The following CAND2 variants were observed in gnomAD, a reference collection of about 807,000 sequenced individuals.
The protein encoded by CAND2 is cullin-associated NEDD8-dissociated protein 2.
A neutral mutation model predicts 98.9 loss-of-function variants in CAND2; 62 were observed. The ratio of observed to expected loss-of-function variants is 0.63; its 90% CI spans 0.51 to 0.77. The LOEUF is 0.77. Ranked by LOEUF, CAND2 falls within the 30% of genes least tolerant of loss-of-function variation. CAND2 has a pLI of 0.00. For missense variants in CAND2, 1,501 were observed against 1,655.2 expected, an observed-to-expected ratio of 0.91 and a Z score of 1.62; for synonymous variants, 770 against 731.9, an observed-to-expected ratio of 1.05 and a Z score of -0.84.
chr3:12,805,785 A>G (rs1483835789), intron 2 of CAND2, among the ~76,000 whole-genome samples: 2 of 152,252 alleles, frequency 1.3e-5, no homozygotes, highest in Admixed American at 6.5e-5. Flanking sequence ...CCTTTTGCCT[A>G]TACAAATGCC....
At chr3:12,799,245 T>C (rs1302868791) in intron 1 of CAND2, among the ~76,000 whole-genome samples, 1 of 152,106 alleles carries the variant, frequency 6.6e-6, no homozygotes, top group Non-Finnish European at 1.5e-5. Context: ...TATTGAAACC[T>C]CCCAAGGATA....
chr3:12,817,765 T>C lies in CAND2; in HGVS notation c.2833T>C (p.Cys945Arg). Residue 945 changes from cysteine (C) to arginine (R), a missense_variant, in exon 10 of 15, where the codon TGC (cysteine) becomes CGC (arginine). Physicochemically the swap from Cys to Arg is radical, Grantham distance 180. This residue lies in a region of CAND2 where 1,427 missense variants were observed against 1,545.3 expected (regional missense o/e 0.92). Transcript: ENST00000456430. ...CATCTGGGCCTTGCTGTTCCAGCGC[T>C]GCGAGGGTGCTGAGGAGGGCACCCG... ...EDIWALLFQR[C>R]EGAEEGTRGV... 2 of 1,559,794 alleles carry C rather than the reference T, an allele frequency of 1.3e-6. No homozygotes were observed. The highest frequency in any genetic ancestry group is 1.7e-6 in the Non-Finnish European group (2 of 1,154,126).
chr3:12,827,053 A>G (rs1050583483), intron 12 of CAND2, among the ~76,000 whole-genome samples: 15 of 151,708 alleles, frequency 9.9e-5, no homozygotes, highest in Admixed American at 3.3e-4. Flanking sequence ...GGATGGCCTC[A>G]ATCTCCTGAC....
At chr3:12,832,821 A>G (rs558107415) in intron 14 of CAND2, 1 of 152,294 alleles carries the variant, frequency 6.6e-6, no homozygotes, top group South Asian at 2.1e-4. Context: ...GTAGTAGAGT[A>G]TTCATGTATT....
chr3:12,808,270 C>T lies in CAND2; in HGVS notation c.428C>T (p.Ala143Val). Reference protein sequence around the residue: ...KITGQLTSAIAQQEDVAVQLE... With the variant: ...KITGQLTSAIVQQEDVAVQLE... Reference sequence around the variant, plus strand: ...ACAGGCCAGCTCACCAGTGCCATTGCCCAGCAGGAGGATGTGGCTGTGCAG... The same window carrying T: ...ACAGGCCAGCTCACCAGTGCCATTGTCCAGCAGGAGGATGTGGCTGTGCAG... The change falls in exon 4 of 15, where the codon GCC becomes GTC. Residue 143 changes from alanine (A) to valine (V), a missense_variant. Physicochemically the swap from Ala to Val is moderately conservative, Grantham distance 64 (BLOSUM62 0). This residue lies in a region of CAND2 where 1,427 missense variants were observed against 1,545.3 expected (regional missense o/e 0.92). Coordinates refer to ENST00000456430, the MANE Select transcript of CAND2 (RefSeq NM_001162499.2). 1 of 1,551,456 alleles carries T rather than the reference C, an allele frequency of 6.4e-7. No homozygotes were observed. The highest frequency in any genetic ancestry group is 1.2e-5 in the South Asian group (1 of 84,052).
chr3:12,809,444 GGGTAA>G lies in CAND2; in HGVS notation c.492-611_492-607del, dbSNP rs550038628. On this transcript the variant is annotated intron_variant, in intron 4 of 14. Transcript: ENST00000456430. Reference sequence around the variant, plus strand: ...TTGGGTAGGACATAGAAATAAGGGAGGGTAAGGTCAGCGTGTTTCTGTAAAGTGAG... The same window carrying G: ...TTGGGTAGGACATAGAAATAAGGGAGGGTCAGCGTGTTTCTGTAAAGTGAG... 1.6e-4 allele frequency among the ~76,000 whole-genome samples: 25 copies of G among 152,276 alleles called. No homozygotes were observed. In the East Asian group the frequency reaches 4.8e-3, roughly 29 times the overall value.
chr3:12,796,815 C>G, intron 1 of CAND2, 27 bp downstream of exon 1: 1 of 1,552,306 alleles, frequency 6.4e-7, no homozygotes, highest in Non-Finnish European at 8.7e-7. Context: ...GCCCCCTTCT[C>G]TCCTTCCCGC....
At chr3:12,825,437 G>A in intron 11 of CAND2, 33 bp from the exon 12 acceptor site, 1 of 1,536,296 alleles carries the variant, frequency 6.5e-7, no homozygotes, top group Non-Finnish European at 8.8e-7. Context: ...CTTTGGCTGT[G>A]CATCCCCCAC....
intron 11 of CAND2, among the ~76,000 whole-genome samples, chr3:12,822,479 TA>T (rs2061964629): frequency 6.6e-6 from 1 of 152,060 alleles, no homozygotes; most frequent in Non-Finnish European, 1.5e-5. Context: ...AAATTTTTTT[TA>T]TAAAAACAGG....
intron 2 of CAND2, among the ~76,000 whole-genome samples, chr3:12,804,535 T>G (rs944820762): frequency 3.3e-5 from 5 of 152,106 alleles, no homozygotes; most frequent in African/African-American, 1.2e-4. Flanking sequence ...CAGCCTTAGA[T>G]CACTGTGAGG....
At chr3:12,820,284 C>A in intron 11 of CAND2, 103 bp downstream of exon 11, 1 of 825,180 alleles carries the variant, frequency 1.2e-6, no homozygotes, top group Non-Finnish European at 1.9e-6. Context: ...AATGGGAGAC[C>A]CGGGAGGTGT....
Position 12,815,897 on chromosome 3 carries a change from C to G in CAND2, c.1330C>G (p.Gln444Glu). The change falls in exon 9 of 15, where the codon CAG (glutamine) becomes GAG (glutamate). Residue 444 changes from glutamine (Q) to glutamate (E), a missense_variant. Around this residue, in one of 3 missense-constraint regions of CAND2, gnomAD observed 1,427 missense variants for 1,545.3 expected, o/e 0.92. Transcript: ENST00000456430. This position sits in a 1 kb window ranked among gnomAD's most constrained non-coding sequence, Gnocchi z 5.7. ...CCTTGTGGTCAAGGCCCTGCAGCGG[C>G]AGCTTAAAGATCGGAGCGTCAGAGC... ...VPLVVKALQR[Q>E]LKDRSVRARQ... The G allele has an allele frequency of 6.2e-7, 1 of 1,613,790 alleles. No individual in the cohort carries two copies. Among genetic ancestry groups the G allele is most frequent in the Non-Finnish European group, 8.5e-7 (1 of 1,179,970 alleles).
intron 5 of CAND2, among the ~76,000 whole-genome samples, chr3:12,811,238 C>T (rs1179031438): frequency 2.6e-5 from 4 of 152,138 alleles, no homozygotes; most frequent in Admixed American, 6.5e-5. Context: ...TGCGCAGGCT[C>T]GGACAAGGGG....
Position 12,803,485 on chromosome 3 carries a change from C to A in CAND2, c.69-3C>A. 1 of 1,602,970 alleles carries A rather than the reference C, an allele frequency of 6.2e-7. No individual in the cohort carries two copies. Among genetic ancestry groups the A allele is most frequent in the Non-Finnish European group, 8.5e-7 (1 of 1,174,434 alleles). On this transcript the variant is annotated splice_polypyrimidine_tract_variant and splice_region_variant and intron_variant, in intron 1 of 14. Transcript: ENST00000456430. The stretch of plus-strand genomic sequence containing the variant: ...AGCAATCTCCTCCACCCTCCCTGTG[C>A]AGGTTCATGGCCACCAGCGACCTGA...
chr3:12,827,818 AACC>A (rs1335007980), intron 13 of CAND2, among the ~76,000 whole-genome samples: 1 of 152,060 alleles, frequency 6.6e-6, no homozygotes, highest in Non-Finnish European at 1.5e-5. Context: ...GTTTCACAGC[AACC>A]AGAAAAAAAA....
chr3:12,808,238 G>T lies in CAND2; in HGVS notation c.396G>T (p.Arg132=). 6.4e-7 allele frequency: 1 copy of T among 1,551,360 alleles called. No homozygotes were observed. Among genetic ancestry groups the T allele is most frequent in the Non-Finnish European group, 8.7e-7 (1 of 1,147,000 alleles). ...TGSGLATNVC[R]KITGQLTSAI... ...CCGGGCTGGCCACCAACGTGTGCCG[G>T]AAGATCACAGGCCAGCTCACCAGTG... The change falls in exon 4 of 15, where the codon CGG becomes CGT. Residue 132 remains arginine, a synonymous_variant. Transcript: ENST00000456430.
chr3:12,798,730 C>T (rs942963167), intron 1 of CAND2, among the ~76,000 whole-genome samples: 1 of 152,212 alleles, frequency 6.6e-6, no homozygotes, highest in Non-Finnish European at 1.5e-5. Flanking sequence ...CTGTCTCTGC[C>T]AGTGGCCTGG....
chr3:12,823,284 G>GTTTAT (rs11398514), intron 11 of CAND2, among the ~76,000 whole-genome samples: 1 of 151,420 alleles, frequency 6.6e-6, no homozygotes, highest in African/African-American at 2.4e-5. Context: ...TACAGTTTTT[G>GTTTAT]TTGGTTTGTT....
At chr3:12,811,861 G>C (rs539762355) in intron 5 of CAND2, among the ~76,000 whole-genome samples, 9 of 147,786 alleles carry the variant, frequency 6.1e-5, no homozygotes, top group Non-Finnish European at 1.2e-4. Flanking sequence ...GGATTACAGG[G>C]GTGAGCCACT....
Sources: gnomAD v4.1 joint callset for allele counts (sites outside exome capture counted in the v4.1 genomes callset) on GRCh38, gnomAD v4.1.1 for gene constraint, gnomAD v4.1.1 regional missense constraint, Gnocchi (gnomAD v3.1) non-coding constraint, MANE v1.5 for transcripts, NCBI Gene and HGNC (gene_info 2026-07-23, HGNC 2026-07-21) for gene names.